TUBGCP3: variants seen among roughly 807,000 people sequenced by gnomAD.
The protein encoded by TUBGCP3 is tubulin gamma complex component 3.
TUBGCP3 carries 50 observed loss-of-function variants against 123.1 expected under a neutral mutation model. The ratio of observed to expected loss-of-function variants is 0.41; its 90% CI spans 0.32 to 0.51. TUBGCP3 has a LOEUF of 0.51. TUBGCP3 is among the 20% of genes least tolerant of loss of function. The probability of loss-of-function intolerance (pLI) is 0.36; values close to 1 mark genes in which losing one functional copy is unlikely to be tolerated. For synonymous variants in TUBGCP3, 405 were observed against 413.9 expected (o/e 0.98, Z 0.26); for missense variants, 882 against 1,127.0 (o/e 0.78, Z 3.11).
At chr13:112,559,733 A>G (rs1406813168) in intron 3 of TUBGCP3, among the ~76,000 whole-genome samples, 2 of 152,218 alleles carry the variant, frequency 1.3e-5, no homozygotes, top group Non-Finnish European at 2.9e-5. Flanking sequence ...AACCGTAATT[A>G]TGAGACAAAG....
At chr13:112,563,590 G>A (rs993215025) in intron 3 of TUBGCP3, among the ~76,000 whole-genome samples, 12 of 151,812 alleles carry the variant, frequency 7.9e-5, no homozygotes, top group East Asian at 3.9e-4. Flanking sequence ...AGGGCCAGGC[G>A]CGGTGGCTCA....
At chr13:112,563,065 C>A (rs1880647101) in intron 3 of TUBGCP3, among the ~76,000 whole-genome samples, 1 of 152,194 alleles carries the variant, frequency 6.6e-6, no homozygotes, top group African/African-American at 2.4e-5. Flanking sequence ...GCCACCCTCC[C>A]CCTTCGGACT....
intron 1 of TUBGCP3, among the ~76,000 whole-genome samples, chr13:112,569,836 T>C (rs1389649904): frequency 6.6e-6 from 1 of 151,842 alleles, no homozygotes; most frequent in Non-Finnish European, 1.5e-5. Flanking sequence ...AGTCAAAAAA[T>C]GTGAGAAGCT....
intron 17 of TUBGCP3, among the ~76,000 whole-genome samples, chr13:112,504,957 T>C (rs994528797): frequency 6.6e-6 from 1 of 152,092 alleles, no homozygotes; most frequent in African/African-American, 2.4e-5. Flanking sequence ...ACAACAAATA[T>C]ATGAAACAAA....
chr13:112,526,767 CCAT>C (rs1173427488), intron 13 of TUBGCP3, among the ~76,000 whole-genome samples, 172 bp downstream of exon 13: 2 of 151,904 alleles, frequency 1.3e-5, no homozygotes, highest in Non-Finnish European at 2.9e-5. Context: ...TTCATCATCG[CCAT>C]CATCACCACC....
chr13:112,487,083 C>CTGTGTGTG (rs373263012), intron 21 of TUBGCP3, among the ~76,000 whole-genome samples: 3 of 77,206 alleles, frequency 3.9e-5, no homozygotes, highest in South Asian at 5.5e-4. Context: ...GTGTGTGTGT[C>CTGTGTGTG]TGTGTGTGTG....
intron 1 of TUBGCP3, among the ~76,000 whole-genome samples, chr13:112,570,279 G>C (rs531783198): frequency 6.6e-6 from 1 of 152,316 alleles, no homozygotes; most frequent in Admixed American, 6.5e-5. Flanking sequence ...CAAGAGAAAA[G>C]AGAGACAGAT....
chr13:112,555,918 T>C lies in TUBGCP3; in HGVS notation c.721+134A>G, dbSNP rs757017177. 8 of 1,051,376 alleles carry C rather than the reference T, an allele frequency of 7.6e-6. No homozygotes were observed. In the East Asian group the frequency reaches 7.7e-5, roughly 10 times the overall value. The allele number at this position is 1,051,376 out of a possible 1,614,324, so 65.1% of individuals were successfully genotyped here. ...AGGCGCCGCAGACCACCAGGGACTCTGGACTTCATCATAAGAACAAGAAGA... is the reference window on the plus strand; with the variant it reads ...AGGCGCCGCAGACCACCAGGGACTCCGGACTTCATCATAAGAACAAGAAGA... On this transcript the variant is annotated intron_variant, in intron 6 of 21. Transcript: ENST00000261965.
intron 12 of TUBGCP3, 64 bp from the exon 13 acceptor site, chr13:112,527,114 A>C: frequency 7.3e-7 from 1 of 1,366,984 alleles, no homozygotes; most frequent in South Asian, 1.2e-5. Context: ...CAAATCTACA[A>C]ATATTCGTAA....
chr13:112,557,532 G>A (rs1308801360), intron 5 of TUBGCP3, among the ~76,000 whole-genome samples: 4 of 152,092 alleles, frequency 2.6e-5, no homozygotes, highest in Admixed American at 6.6e-5. Flanking sequence ...ACCAACTATG[G>A]CAAAAAGCAA....
intron 19 of TUBGCP3, among the ~76,000 whole-genome samples, chr13:112,499,590 T>C (rs1880763027): frequency 6.9e-6 from 1 of 143,906 alleles, no homozygotes; most frequent in South Asian, 2.1e-4. Context: ...AGCATCTCCA[T>C]TTTTTTTTTT....
chr13:112,583,616 G>A (rs1882416802), intron 1 of TUBGCP3, among the ~76,000 whole-genome samples: 1 of 152,186 alleles, frequency 6.6e-6, no homozygotes, highest in African/African-American at 2.4e-5. Flanking sequence ...ACTTCAAGAT[G>A]CACAAAAATA....
chr13:112,520,084 C>T (rs376384848), intron 14 of TUBGCP3, 63 bp from the exon 15 acceptor site: 9 of 1,477,802 alleles, frequency 6.1e-6, no homozygotes, highest in Admixed American at 3.9e-5. Flanking sequence ...CTTTAAAAAA[C>T]GTATAAACTA....
intron 7 of TUBGCP3, 53 bp from the exon 8 acceptor site, chr13:112,554,235 T>C: frequency 5.7e-6 from 9 of 1,588,646 alleles, no homozygotes; most frequent in South Asian, 1.1e-5. Flanking sequence ...ACTAGAGCTT[T>C]AATTAGTATT....
intron 11 of TUBGCP3, among the ~76,000 whole-genome samples, chr13:112,544,285 C>T (rs1213258806): frequency 6.6e-6 from 1 of 151,958 alleles, no homozygotes; most frequent in Non-Finnish European, 1.5e-5. Flanking sequence ...AACCCCGTCT[C>T]TACTAAAAAT....
chr13:112,572,818 A>G (rs953339641), intron 1 of TUBGCP3, among the ~76,000 whole-genome samples: 1 of 152,244 alleles, frequency 6.6e-6, no homozygotes, highest in Non-Finnish European at 1.5e-5. Flanking sequence ...AGAATTTCCA[A>G]ATATGACACA....
the TUBGCP3 span, among the ~76,000 whole-genome samples, chr13:112,598,474 A>T: frequency 0.12 from 17,513 of 151,906 alleles, 2,392 homozygotes; most frequent in African/African-American, 0.32. Flanking sequence ...AACAAAAATA[A>T]CTCACCAATA....
intron 17 of TUBGCP3, among the ~76,000 whole-genome samples, chr13:112,510,745 C>A (rs893739544): frequency 6.6e-6 from 1 of 152,188 alleles, no homozygotes; most frequent in African/African-American, 2.4e-5. Context: ...TGAGGCCACA[C>A]AGCCTCAGAG....
At chr13:112,561,954 C>T (rs1594204359) in intron 3 of TUBGCP3, among the ~76,000 whole-genome samples, 2 of 152,182 alleles carry the variant, frequency 1.3e-5, no homozygotes, top group Non-Finnish European at 2.9e-5. Context: ...GTATAAAACA[C>T]CCAGGATCTC....
Sources: gnomAD v4.1 joint callset for allele counts (sites outside exome capture counted in the v4.1 genomes callset) on GRCh38, gnomAD v4.1.1 for gene constraint, MANE v1.5 for transcripts, NCBI Gene and HGNC (gene_info 2026-07-23, HGNC 2026-07-21) for gene names.